Variants in PITPNC1 observed in about 807,000 individuals in gnomAD.
PITPNC1 encodes the protein phosphatidylinositol transfer protein cytoplasmic 1, also known as cytoplasmic phosphatidylinositol transfer protein 1.
PITPNC1 carries 18 observed loss-of-function variants against 44.7 expected under a neutral mutation model. The observed-to-expected ratio is 0.40, with a 90% CI of 0.28 to 0.60. PITPNC1 has a LOEUF of 0.60. Among genes scored for constraint, PITPNC1 ranks in the 20% least tolerant of loss-of-function variants. The pLI, the probability that PITPNC1 is intolerant of heterozygous loss-of-function variation, is 0.39. For missense variants in PITPNC1, 290 were observed against 418.4 expected (o/e 0.69, Z 2.68); for synonymous variants, 141 against 149.6 (o/e 0.94, Z 0.42).
chr17:67,415,434 T>C (rs1009302126), intron 1 of PITPNC1, among the ~76,000 whole-genome samples: 1 of 152,184 alleles, frequency 6.6e-6, no homozygotes, highest in East Asian at 1.9e-4. Context: ...ACAGCCTCTT[T>C]TATATTACCA....
intron 1 of PITPNC1, among the ~76,000 whole-genome samples, chr17:67,494,582 G>A (rs1369922668): frequency 1.3e-5 from 2 of 152,132 alleles, no homozygotes; most frequent in Non-Finnish European, 2.9e-5. Context: ...GGTTTTGCTT[G>A]CTGGTGGTGG....
chr17:67,425,678 C>T (rs561838401), intron 1 of PITPNC1, among the ~76,000 whole-genome samples: 5 of 146,728 alleles, frequency 3.4e-5, no homozygotes, highest in African/African-American at 5.1e-5. Context: ...CACACCACCA[C>T]GCTTGGCTAA....
At chr17:67,509,933 A>T (rs1007109180) in intron 1 of PITPNC1, among the ~76,000 whole-genome samples, 3 of 152,192 alleles carry the variant, frequency 2.0e-5, no homozygotes, top group Non-Finnish European at 2.9e-5. Flanking sequence ...CTGAAAAGAA[A>T]CGTCTAGAAC....
intron 7 of PITPNC1, among the ~76,000 whole-genome samples, chr17:67,673,521 A>G (rs1162747895): frequency 6.6e-6 from 1 of 152,100 alleles, no homozygotes; most frequent in Non-Finnish European, 1.5e-5. Context: ...CATTCCCATT[A>G]CGTTCTATTC....
At chr17:67,599,625 T>G (rs993196537) in intron 5 of PITPNC1, among the ~76,000 whole-genome samples, 1 of 152,096 alleles carries the variant, frequency 6.6e-6, no homozygotes, top group African/African-American at 2.4e-5. Context: ...CAGAGTTCCG[T>G]GAACACAGAA....
At chr17:67,434,972 G>C (rs1472269962) in intron 1 of PITPNC1, among the ~76,000 whole-genome samples, 1 of 151,608 alleles carries the variant, frequency 6.6e-6, no homozygotes, top group East Asian at 1.9e-4. Context: ...AGCTGGGCAT[G>C]GTGGCGGGCA....
At chr17:67,606,908 A>G (rs1356796020) in intron 5 of PITPNC1, among the ~76,000 whole-genome samples, 2 of 152,172 alleles carry the variant, frequency 1.3e-5, no homozygotes, top group Non-Finnish European at 2.9e-5. Context: ...TAAGTACAGA[A>G]ACAAACCACT....
intron 1 of PITPNC1, among the ~76,000 whole-genome samples, chr17:67,415,431 C>CT (rs1400513667): frequency 6.6e-6 from 1 of 152,170 alleles, no homozygotes; most frequent in Admixed American, 6.6e-5. Flanking sequence ...AGCACAGCCT[C>CT]TTTTATATTA....
At chr17:67,637,386 T>C (rs1008182356) in intron 6 of PITPNC1, among the ~76,000 whole-genome samples, 3 of 152,070 alleles carry the variant, frequency 2.0e-5, no homozygotes, top group Non-Finnish European at 2.9e-5. Context: ...AAACGCTCTT[T>C]ATGTGAGGAA....
intron 5 of PITPNC1, among the ~76,000 whole-genome samples, chr17:67,579,482 A>G (rs544267419): frequency 1.9e-3 from 286 of 152,284 alleles, no homozygotes; most frequent in African/African-American, 6.3e-3. Flanking sequence ...TGGCAGCCCA[A>G]TGGGAAATGT....
rs1260544584 is a variant in PITPNC1 at position 67,424,454 on chromosome 17, C to T, written c.48+46252C>T. Among the ~76,000 whole-genome samples the T allele has an allele frequency of 4.6e-5, 7 of 152,102 alleles. No individual in the cohort carries two copies. The South Asian group carries it at 6.2e-4, about 14-fold the overall frequency. On this transcript the variant is annotated intron_variant, in intron 1 of 8. Transcript: ENST00000581322. ...GGAAGATAACCTGAGGCCAGGAGTT[C>T]GAGACCAGCCTGGCCAACATGGTGA...
intron 4 of PITPNC1, among the ~76,000 whole-genome samples, chr17:67,573,968 T>C (rs1449271578): frequency 6.6e-6 from 1 of 152,230 alleles, no homozygotes; most frequent in East Asian, 1.9e-4. Flanking sequence ...TTATTTATTT[T>C]TTAAGACTGT....
At chr17:67,636,281 CAAAAAAAA>C (rs4020398) in intron 6 of PITPNC1, among the ~76,000 whole-genome samples, 1 of 77,348 alleles carries the variant, frequency 1.3e-5, no homozygotes, top group Admixed American at 1.6e-4. Flanking sequence ...GACTCCGTTT[CAAAAAAAA>C]AAAAAAAAAA....
intron 2 of PITPNC1, among the ~76,000 whole-genome samples, chr17:67,535,329 T>G (rs562253912): frequency 6.6e-6 from 1 of 152,290 alleles, no homozygotes; most frequent in South Asian, 2.1e-4. Flanking sequence ...TGAGCAAGTT[T>G]CTCCTCGGGG....
intron 4 of PITPNC1, among the ~76,000 whole-genome samples, chr17:67,557,690 C>G (rs1485950954): frequency 6.6e-6 from 1 of 152,258 alleles, no homozygotes; most frequent in African/African-American, 2.4e-5. Flanking sequence ...TTCTCACGCT[C>G]TCTGTCCACG....
At chr17:67,510,549 G>C (rs977554455) in intron 1 of PITPNC1, among the ~76,000 whole-genome samples, 1 of 152,108 alleles carries the variant, frequency 6.6e-6, no homozygotes, top group African/African-American at 2.4e-5. Flanking sequence ...GCCCTTGACC[G>C]CCTCGGCCTC....
intron 5 of PITPNC1, among the ~76,000 whole-genome samples, chr17:67,601,443 G>C (rs1444904500): frequency 2.0e-5 from 3 of 152,120 alleles, no homozygotes; most frequent in Non-Finnish European, 4.4e-5. Context: ...AGGCCAGTGA[G>C]TTTGGAGTTA....
rs563200326 is a variant in PITPNC1 at position 67,676,070 on chromosome 17, G to T, written c.682+528G>T. Among the ~76,000 whole-genome samples, 4 of 152,094 alleles carry T rather than the reference G, an allele frequency of 2.6e-5. No individual in the cohort carries two copies. Among genetic ancestry groups the T allele is most frequent in the Non-Finnish European group, 5.9e-5 (4 of 68,008 alleles). On this transcript the variant is annotated intron_variant, in intron 8 of 8. Coordinates refer to ENST00000581322, the MANE Select transcript of PITPNC1 (RefSeq NM_012417.4). This position sits in a 1 kb window ranked among gnomAD's most constrained non-coding sequence, Gnocchi z 4.0. ...ATAATACAAAAAATTAGCCGGGCAT[G>T]GTGGCAGGCACCTGTAGTCCCAGCT...
At chr17:67,484,502 A>G (rs2039750686) in intron 1 of PITPNC1, among the ~76,000 whole-genome samples, 1 of 152,202 alleles carries the variant, frequency 6.6e-6, no homozygotes, top group Admixed American at 6.5e-5. Context: ...TGTCATTGTT[A>G]ATTTACATCT....
Sources: allele counts gnomAD v4.1 joint callset (sites outside exome capture counted in the v4.1 genomes callset), GRCh38; gene constraint gnomAD v4.1.1; non-coding constraint Gnocchi (gnomAD v3.1); transcripts MANE v1.5; gene names NCBI Gene and HGNC (gene_info 2026-07-23, HGNC 2026-07-21).